Variants in HSPA12A observed in about 807,000 individuals in gnomAD.
HSPA12A encodes heat shock protein family A (Hsp70) member 12A.
Under a neutral mutation model 69.2 loss-of-function variants are expected in HSPA12A, and 28 were observed. The ratio of observed to expected loss-of-function variants is 0.40; its 90% confidence interval spans 0.30 to 0.55. HSPA12A has a LOEUF of 0.55. Among genes scored for constraint, HSPA12A ranks in the 20% least tolerant of loss-of-function variants. HSPA12A has a pLI of 0.38. For synonymous variants in HSPA12A, 345 were observed against 370.5 expected (o/e 0.93, Z 0.79); for missense variants, 686 against 900.7 (o/e 0.76, Z 3.05).
At chr10:116,827,895 G>A (rs1002360811) in intron 2 of HSPA12A, among the ~76,000 whole-genome samples, 3 of 152,108 alleles carry the variant, frequency 2.0e-5, no homozygotes, top group South Asian at 2.1e-4. Context: ...GCTGCTGTCC[G>A]CCCAACCCTT....
intron 1 of HSPA12A, among the ~76,000 whole-genome samples, chr10:116,845,252 T>C (rs759000819): frequency 5.3e-5 from 8 of 152,210 alleles, no homozygotes; most frequent in Non-Finnish European, 1.0e-4. Context: ...ATAGTTATTA[T>C]ATATAACTAC....
chr10:116,760,015 T>C (rs888181203), intron 2 of HSPA12A, among the ~76,000 whole-genome samples: 1 of 152,174 alleles, frequency 6.6e-6, no homozygotes, highest in African/African-American at 2.4e-5. Context: ...CCTTCTTTTG[T>C]AAATTGCCCA....
At chr10:116,837,445 C>T (rs75841152) in intron 1 of HSPA12A, among the ~76,000 whole-genome samples, 2,605 of 152,206 alleles carry the variant, frequency 0.017, 67 homozygotes, top group African/African-American at 0.06. Context: ...AGTAGACATG[C>T]CTATTATCAC....
At chr10:116,687,478 G>C (rs1849608758) in intron 6 of HSPA12A, among the ~76,000 whole-genome samples, 1 of 152,178 alleles carries the variant, frequency 6.6e-6, no homozygotes, top group African/African-American at 2.4e-5. Context: ...GGAGAGGTGA[G>C]AAGAGGCAGC....
chr10:116,761,340 G>T (rs1843966513), intron 2 of HSPA12A, among the ~76,000 whole-genome samples: 1 of 152,052 alleles, frequency 6.6e-6, no homozygotes, highest in Non-Finnish European at 1.5e-5. Flanking sequence ...ACAAAAATTA[G>T]CTGGGCATAG....
At chr10:116,808,037 A>G (rs953355231) in intron 2 of HSPA12A, among the ~76,000 whole-genome samples, 9 of 152,138 alleles carry the variant, frequency 5.9e-5, no homozygotes, top group African/African-American at 2.2e-4. Flanking sequence ...CCAGGGTATA[A>G]TTTCCCAAGG....
At chr10:116,826,304 T>C (rs541912169) in intron 2 of HSPA12A, among the ~76,000 whole-genome samples, 1 of 152,172 alleles carries the variant, frequency 6.6e-6, no homozygotes, top group Non-Finnish European at 1.5e-5. Context: ...CCTGATAAAT[T>C]ACCAGCTCCT....
chr10:116,698,709 C>T lies in HSPA12A; in HGVS notation c.472G>A (p.Ala158Thr). 1 of 1,614,134 alleles carries T rather than the reference C, an allele frequency of 6.2e-7. No individual in the cohort carries two copies. The highest frequency in any genetic ancestry group is 8.5e-7 in the Non-Finnish European group (1 of 1,179,950). Reference protein sequence around the residue: ...DLTMDTDLTAANGKKVKALEI... With the variant: ...DLTMDTDLTATNGKKVKALEI... ...AGGGCTTTGACTTTCTTGCCATTTG[C>T]TGCCGTCAGGTCTGTATCCATGGTG... Residue 158 changes from alanine to threonine, a missense_variant, in exon 5 of 12, where the codon GCA (alanine) becomes ACA (threonine). Physicochemically the swap from Ala to Thr is moderately conservative, Grantham distance 58. Transcript: ENST00000369209.
chr10:116,821,312 C>T (rs1486910126), intron 2 of HSPA12A, among the ~76,000 whole-genome samples: 6 of 152,174 alleles, frequency 3.9e-5, no homozygotes, highest in African/African-American at 1.4e-4. Flanking sequence ...ACACACAAGG[C>T]ACCTCCTACC....
upstream of HSPA12A, chr10:116,742,693 G>C (rs1851555963): frequency 2.6e-6 from 2 of 765,260 alleles, no homozygotes; most frequent in South Asian, 6.0e-5. Context: ...GGAAAGGTCG[G>C]GGAAGGCGGG....
At position 116,834,823 on chromosome 10, in the gene HSPA12A, G is replaced by A. The variant is rs192615150; in HGVS notation, c.91+112C>T. The A allele has an allele frequency of 2.9e-3, 1,490 of 508,076 alleles. 27 individuals are homozygous for A. Among genetic ancestry groups the A allele is most frequent in the African/African-American group, 0.027 (1,337 of 50,134 alleles). 31.5% of individuals were successfully genotyped at this position (508,076 alleles called of 1,614,324 possible). On this transcript the variant is annotated intron_variant, in intron 2 of 12. Transcript: ENST00000635765. ...TGGCAAACATCTTACACGTGCAGAA[G>A]TTTAAACGTCCCAGTTTTAAACATA...
At chr10:116,793,051 C>T (rs941552580) in intron 2 of HSPA12A, among the ~76,000 whole-genome samples, 8 of 152,148 alleles carry the variant, frequency 5.3e-5, no homozygotes, top group Non-Finnish European at 1.2e-4. Context: ...AAATAACTGT[C>T]AACCTAGAAT....
chr10:116,705,316 G>C (rs782263530), intron 2 of HSPA12A, 38 bp from the exon 3 acceptor site: 1 of 1,612,788 alleles, frequency 6.2e-7, no homozygotes, highest in Admixed American at 1.7e-5. Context: ...GTGTGGAGGG[G>C]TGGGCCTGGC....
At chr10:116,752,794 T>C (rs1480406684) in intron 2 of HSPA12A, among the ~76,000 whole-genome samples, 1 of 152,158 alleles carries the variant, frequency 6.6e-6, no homozygotes, top group Admixed American at 6.5e-5. Context: ...AACCCTTTTA[T>C]ACTAGGGCCA....
intron 2 of HSPA12A, among the ~76,000 whole-genome samples, chr10:116,793,800 GA>G (rs1216817625): frequency 6.6e-6 from 1 of 150,418 alleles, no homozygotes; most frequent in African/African-American, 2.4e-5. Context: ...TATAAAATGA[GA>G]AAAAAAATCG....
intron 10 of HSPA12A, among the ~76,000 whole-genome samples, chr10:116,676,773 G>A (rs1589617937): frequency 6.6e-6 from 1 of 152,228 alleles, no homozygotes; most frequent in East Asian, 1.9e-4. Context: ...CTAGTGCAAA[G>A]ACAAGGAGAT....
chr10:116,688,002 T>A (rs1219157833), intron 6 of HSPA12A, among the ~76,000 whole-genome samples: 1 of 152,234 alleles, frequency 6.6e-6, no homozygotes, highest in Non-Finnish European at 1.5e-5. Context: ...GCGATTTTTT[T>A]TTTAGCTCAT....
intron 2 of HSPA12A, among the ~76,000 whole-genome samples, chr10:116,786,443 AAG>A (rs61489923): frequency 0.29 from 44,002 of 149,496 alleles, 7,437 homozygotes; most frequent in Non-Finnish European, 0.4. Context: ...CTGAAAAAAA[AAG>A]AAAAAAAAGA....
chr10:116,702,247 C>A (rs1186749979), intron 3 of HSPA12A, among the ~76,000 whole-genome samples: 1 of 152,158 alleles, frequency 6.6e-6, no homozygotes, highest in East Asian at 1.9e-4. Flanking sequence ...CACCAAGAGG[C>A]CAAGCTGTTC....
Sources: gnomAD v4.1 joint callset for allele counts (sites outside exome capture counted in the v4.1 genomes callset) on GRCh38, gnomAD v4.1.1 for gene constraint, MANE v1.5 for transcripts, NCBI Gene and HGNC (gene_info 2026-07-23, HGNC 2026-07-21) for gene names.